SLC2A6: variants seen among roughly 807,000 people sequenced by gnomAD.
The protein encoded by SLC2A6 is solute carrier family 2, facilitated glucose transporter member 6.
Under a neutral mutation model 47.8 loss-of-function variants are expected in SLC2A6, and 39 were observed. The observed-to-expected ratio is 0.82, with a 90% CI of 0.63 to 1.07. The LOEUF (loss-of-function observed/expected upper bound fraction) is 1.07, where lower values mean the gene tolerates loss of function less well. Ranked by LOEUF, SLC2A6 falls within the 50% of genes least tolerant of loss-of-function variation. The probability of loss-of-function intolerance (pLI) is 0.00; values close to 1 mark genes in which losing one functional copy is unlikely to be tolerated. For synonymous variants in SLC2A6, 346 were observed against 324.1 expected (o/e 1.07, Z -0.73); for missense variants, 650 against 707.6 (o/e 0.92, Z 0.92).
chr9:133,475,912 G>A (rs1240815621), intron 4 of SLC2A6, among the ~76,000 whole-genome samples: 2 of 152,270 alleles, frequency 1.3e-5, no homozygotes, highest in Admixed American at 6.5e-5. Context: ...GCAGCTGCAC[G>A]CACTGTGATT....
Position 133,476,235 on chromosome 9 carries a change from G to T in SLC2A6, c.562+2C>A. The T allele has an allele frequency of 6.2e-7, 1 of 1,610,608 alleles. No homozygotes were observed. The highest frequency in any genetic ancestry group is 8.5e-7 in the Non-Finnish European group (1 of 1,178,024). On this transcript the variant is annotated splice_donor_variant, in intron 4 of 9. Transcript: ENST00000371899. LOFTEE classifies it high-confidence loss of function. ...CACACAGGAGTGCGGGGCCATACTT[G>T]CCAAGGGCGTAGAGGGACAGGGATC...
chr9:133,476,192 A>C (rs1588244833), intron 4 of SLC2A6, 45 bp downstream of exon 4: 2 of 1,477,444 alleles, frequency 1.4e-6, no homozygotes, highest in Non-Finnish European at 1.9e-6. Context: ...GGCGGCACCC[A>C]CCCCTCCCAC....
chr9:133,475,423 T>A lies in SLC2A6; in HGVS notation c.751A>T (p.Ile251Phe). 1 of 1,607,894 alleles carries A rather than the reference T, an allele frequency of 6.2e-7. No individual in the cohort carries two copies. Among genetic ancestry groups the A allele is most frequent in the South Asian group, 1.1e-5 (1 of 90,882 alleles). ...ACCTGTCTCCGGACGTTGTCCTGGA[T>A]CTGCTCGAACTCCCAGTGGACATCG... ...DVDVHWEFEQ[I>F]QDNVRRQSSR... The change falls in exon 5 of 10, where the codon ATC becomes TTC. Residue 251 changes from isoleucine (I) to phenylalanine (F), a missense_variant. Transcript: ENST00000371899.
chr9:133,478,714 C>G (rs1047172170), intron 1 of SLC2A6: 1 of 586,094 alleles, frequency 1.7e-6, no homozygotes, highest in Non-Finnish European at 3.0e-6. Flanking sequence ...CAGGCAGAAC[C>G]CCTGCTCGCT....
intron 5 of SLC2A6, 30 bp from the exon 6 acceptor site, chr9:133,475,143 TG>T: frequency 1.3e-6 from 2 of 1,502,136 alleles, no homozygotes. Flanking sequence ...CTGAGGGCGT[TG>T]GGCCAGCCTC....
At chr9:133,473,072 C>A in intron 9 of SLC2A6, 33 bp downstream of exon 9, 1 of 1,584,938 alleles carries the variant, frequency 6.3e-7, no homozygotes, top group Admixed American at 1.9e-5. Context: ...CAGAGAGGGC[C>A]TAGGGGCCTG....
chr9:133,474,822 G>T, intron 6 of SLC2A6, 139 bp downstream of exon 6: 2 of 777,600 alleles, frequency 2.6e-6, no homozygotes, highest in Non-Finnish European at 3.7e-6. Flanking sequence ...ATCTTGCTGT[G>T]GCATCCCTGA....
At position 133,477,944 on chromosome 9, in the gene SLC2A6, A is replaced by G. The variant is rs373898256; in HGVS notation, c.255+310T>C. Among the ~76,000 whole-genome samples, 52 of 152,090 alleles carry G rather than the reference A, an allele frequency of 3.4e-4. No homozygotes were observed. The East Asian group carries it at 6.0e-3, about 18-fold the overall frequency. The stretch of plus-strand genomic sequence containing the variant: ...GTGCCTCTCCCCACTGACACCTGAT[A>G]CCCTTGCCCCCATCCAGCCAACTGT... On this transcript the variant is annotated intron_variant, in intron 2 of 9. Transcript: ENST00000371899.
chr9:133,474,928 G>C, intron 6 of SLC2A6, 33 bp downstream of exon 6: 2 of 1,480,118 alleles, frequency 1.4e-6, no homozygotes, highest in Non-Finnish European at 1.8e-6. Flanking sequence ...AGGGGACCCC[G>C]TGGGTGGGCG....
In SLC2A6 at chr9:133,477,256, G is replaced by C. The variant is rs372298320; in HGVS notation, c.256-15C>G. On this transcript the variant is annotated splice_polypyrimidine_tract_variant and intron_variant, in intron 2 of 9. Transcript: ENST00000371899. Reference sequence around the variant, plus strand: ...GTGAACACGGACTGCAGGGGAAGGGGGTGCAGGGCAGATATGTCTGGGCAC... The same window carrying C: ...GTGAACACGGACTGCAGGGGAAGGGCGTGCAGGGCAGATATGTCTGGGCAC... The C allele has an allele frequency of 6.5e-7, 1 of 1,549,936 alleles. No individual in the cohort carries two copies. The highest frequency in any genetic ancestry group is 2.4e-5 in the East Asian group (1 of 40,934).
intron 7 of SLC2A6, 130 bp downstream of exon 7, chr9:133,473,850 C>A (rs112616563): frequency 1.2e-6 from 1 of 835,790 alleles, no homozygotes; most frequent in South Asian, 1.9e-5. Context: ...AGGGCCCTGC[C>A]GATGCTAGGG....
chr9:133,472,969 G>A (rs1284906545), intron 9 of SLC2A6, 136 bp downstream of exon 9: 5 of 895,200 alleles, frequency 5.6e-6, no homozygotes, highest in Non-Finnish European at 8.3e-6. Context: ...TGAGTTCAGG[G>A]GGTGTGTGCT....
At position 133,471,874 on chromosome 9, in the gene SLC2A6, G is replaced by A. The variant is rs910726099; in HGVS notation, c.*147C>T. ...TACCTGTCCCGAGCCAGGGGCACCC[G>A]CTGCTGAGGCCCCATCACACTGCTC... On this transcript the variant is annotated 3_prime_UTR_variant, in exon 10 of 10. Coordinates refer to ENST00000371899, the MANE Select transcript of SLC2A6 (RefSeq NM_017585.4). 16 of 936,972 alleles carry A rather than the reference G, an allele frequency of 1.7e-5. No individual in the cohort carries two copies. The highest frequency in any genetic ancestry group is 2.6e-5 in the East Asian group (1 of 38,124). 58.0% of individuals were successfully genotyped at this position (936,972 alleles called of 1,614,324 possible). A position where few individuals can be genotyped will look rare whatever the true frequency, so the allele number is the denominator to read the frequency against.
In SLC2A6 at chr9:133,473,488, C is replaced by T; in HGVS notation, c.1149G>A (p.Leu383=). ...AGLESESWGD[L]AQPLAAPAGY... ...CAGCGGGTGCTGCCAGGGGCTGCGC[C>T]AAGTCCCCCCAGGACTCGCTTTCCA... The change falls in exon 8 of 10, where the codon TTG becomes TTA. Residue 383 remains leucine (L), a synonymous_variant. Coordinates refer to ENST00000371899, the MANE Select transcript of SLC2A6 (RefSeq NM_017585.4). The T allele has an allele frequency of 6.2e-7, 1 of 1,603,726 alleles. No homozygotes were observed. The highest frequency in any genetic ancestry group is 1.1e-5 in the South Asian group (1 of 89,246).
chr9:133,477,562 G>A (rs902266434), intron 2 of SLC2A6, among the ~76,000 whole-genome samples: 1 of 152,202 alleles, frequency 6.6e-6, no homozygotes, highest in Non-Finnish European at 1.5e-5. Context: ...AAGATTTGGA[G>A]GTTCTTAAGT....
In SLC2A6 at chr9:133,477,053, G is replaced by A; in HGVS notation, c.444C>T (p.Leu148=). The part of the protein sequence containing the change: ...GRTLTGFAGG[L]TAACIPVYVS... The stretch of plus-strand genomic sequence containing the variant: ...GCCTTACCGGGATGCAGGCAGCTGT[G>A]AGCCCCCCGGCGAAGCCCGTCAGCG... The change falls in exon 3 of 10, where the codon CTC becomes CTT. Residue 148 remains leucine (L), a synonymous_variant. Transcript: ENST00000371899. 1 of 1,547,244 alleles carries A rather than the reference G, an allele frequency of 6.5e-7. No homozygotes were observed. Among genetic ancestry groups the A allele is most frequent in the Middle Eastern group, 2.2e-4 (1 of 4,554 alleles).
chr9:133,474,204 ACTGAGTGG>A, intron 6 of SLC2A6, 116 bp from the exon 7 acceptor site: 1 of 748,186 alleles, frequency 1.3e-6, no homozygotes, highest in South Asian at 1.9e-5. Flanking sequence ...TCAGTGCAGT[ACTGAGTGG>A]CCTGGCACCT....
rs374512440 is a variant in SLC2A6 at position 133,479,035 on chromosome 9, C to T, written c.25G>A (p.Glu9Lys). The T allele has an allele frequency of 1.3e-6, 2 of 1,598,732 alleles. No homozygotes were observed. The highest frequency in any genetic ancestry group is 1.7e-6 in the Non-Finnish European group (2 of 1,175,850). ...GGGAAGGTGTCGTAGTCCGGGCCCT[C>T]GGCTCCCAGCAGCGGCTCCTGCATG... MQEPLLGA[E>K]GPDYDTFPEK... is the part of the protein sequence containing the mutation. The change falls in exon 1 of 10, where the codon GAG becomes AAG. Residue 9 changes from glutamate (E) to lysine (K), a missense_variant. Transcript: ENST00000371899.
intron 1 of SLC2A6, 94 bp from the exon 2 acceptor site, chr9:133,478,510 G>C: frequency 6.8e-7 from 1 of 1,473,550 alleles, no homozygotes; most frequent in African/African-American, 1.4e-5. Context: ...CCGGCTCAGC[G>C]GGCAGTGCTA....
Sources: gnomAD v4.1 joint callset for allele counts (sites outside exome capture counted in the v4.1 genomes callset) on GRCh38, gnomAD v4.1.1 for gene constraint, MANE v1.5 for transcripts, NCBI Gene and HGNC (gene_info 2026-07-23, HGNC 2026-07-21) for gene names.